MARK4: variants seen among roughly 807,000 people sequenced by gnomAD.
MARK4 encodes the protein MAP/microtubule affinity-regulating kinase 4.
A neutral mutation model predicts 81.5 loss-of-function variants in MARK4; 19 were observed. The observed-to-expected ratio is 0.23, with a 90% CI of 0.16 to 0.34. The LOEUF is 0.34. Ranked by LOEUF, MARK4 falls within the 10% of genes least tolerant of loss-of-function variation. MARK4 has a pLI of 1.00. For synonymous variants in MARK4, 436 were observed against 439.0 expected (o/e 0.99, Z 0.08); for missense variants, 772 against 1,058.8 (o/e 0.73, Z 3.76).
At chr19:45,299,947 G>T in intron 16 of MARK4, 92 bp downstream of exon 16, 3 of 1,256,048 alleles carry the variant, frequency 2.4e-6, no homozygotes, top group Non-Finnish European at 2.2e-6. Context: ...TGGGGCCCCA[G>T]TCTCATCCTG....
At chr19:45,296,827 A>C (rs1454379247) in intron 14 of MARK4, among the ~76,000 whole-genome samples, 1 of 152,154 alleles carries the variant, frequency 6.6e-6, no homozygotes, top group Non-Finnish European at 1.5e-5. Flanking sequence ...AGGCCAGTGG[A>C]TCACCTGAGG....
chr19:45,303,419 A>G lies in MARK4; in HGVS notation c.*709A>G, dbSNP rs1056909924. On this transcript the variant is annotated 3_prime_UTR_variant, in exon 17 of 17. Transcript: ENST00000262891. ...CCCTGCCCTCACCTGCAAATGAGTT[A>G]AAGAAGAGGCGTGGGAATCCAGGCA... The G allele has an allele frequency of 1.3e-5, 2 of 152,170 alleles. No homozygotes were observed. Among genetic ancestry groups the G allele is most frequent in the African/African-American group, 4.8e-5 (2 of 41,384 alleles). The allele number at this position is 152,170 out of a possible 1,614,324, so 9.4% of individuals were successfully genotyped here.
rs1310797218 is a variant in MARK4, at chr19:45,257,661, G to GC, written c.52-1327dup. Among the ~76,000 whole-genome samples, 108 of 150,412 alleles carry GC rather than the reference G, an allele frequency of 7.2e-4. 1 individual carries two copies. Among genetic ancestry groups the GC allele is most frequent in the Non-Finnish European group, 1.0e-3 (69 of 67,720 alleles). On this transcript the variant is annotated intron_variant, in intron 1 of 16. Transcript: ENST00000262891. ...GCCTCCCAAAGTGCTGGGATTACAG[G>GC]CGTGAGCCACCTCGCCTGGCCCATA...
At position 45,287,158 on chromosome 19, in the gene MARK4, C is replaced by T. The variant is rs1414958723; in HGVS notation, c.1277-289C>T. Among the ~76,000 whole-genome samples, 8 of 146,544 alleles carry T rather than the reference C, an allele frequency of 5.5e-5. No individual in the cohort carries two copies. The East Asian group carries it at 5.9e-4, about 11-fold the overall frequency. On this transcript the variant is annotated intron_variant, in intron 12 of 16. Transcript: ENST00000262891. ...GGTGGAGGTTGCAGTGAGCGGAGAT[C>T]GCACCACTGCACTCCAGCCTGGCAA...
At chr19:45,289,900 C>T (rs1401323034) in intron 13 of MARK4, among the ~76,000 whole-genome samples, 1 of 152,080 alleles carries the variant, frequency 6.6e-6, no homozygotes, top group African/African-American at 2.4e-5. Context: ...AGTTCGAGAC[C>T]AACCTGTGCA....
chr19:45,259,338 T>G, intron 2 of MARK4, 149 bp downstream of exon 2: 3 of 838,376 alleles, frequency 3.6e-6, no homozygotes, highest in Non-Finnish European at 5.4e-6. Flanking sequence ...ACAATATCTC[T>G]GATGTTCCCA....
chr19:45,288,997 G>A (rs994924954), intron 13 of MARK4, among the ~76,000 whole-genome samples: 7 of 152,102 alleles, frequency 4.6e-5, no homozygotes, highest in African/African-American at 1.4e-4. Context: ...TTGGCCTTTC[G>A]AGGCTGGTCA....
At chr19:45,253,189 C>G (rs543518715) in intron 1 of MARK4, among the ~76,000 whole-genome samples, 1 of 139,966 alleles carries the variant, frequency 7.1e-6, no homozygotes, top group Non-Finnish European at 1.6e-5. Context: ...ACAGACCCCC[C>G]CACACACACA....
chr19:45,300,307 G>A (rs1171530555), intron 16 of MARK4, among the ~76,000 whole-genome samples: 2 of 123,558 alleles, frequency 1.6e-5, no homozygotes. Context: ...TTGTGCCATC[G>A]CACTCCAGCC....
chr19:45,257,974 C>G (rs1215250800), intron 1 of MARK4, among the ~76,000 whole-genome samples: 5 of 150,246 alleles, frequency 3.3e-5, no homozygotes, highest in African/African-American at 7.3e-5. Flanking sequence ...CAGGTGTGAG[C>G]CACCATGCCT....
intron 1 of MARK4, among the ~76,000 whole-genome samples, chr19:45,255,559 CAAAAAAA>C (rs34066317): frequency 8.6e-4 from 78 of 90,276 alleles, no homozygotes; most frequent in Admixed American, 2.7e-3. Context: ...GAAACTCTGC[CAAAAAAA>C]AAAAAAAAAA....
chr19:45,289,369 GA>G (rs1304408235), intron 13 of MARK4, among the ~76,000 whole-genome samples: 2 of 111,064 alleles, frequency 1.8e-5, no homozygotes, highest in African/African-American at 7.2e-5. Context: ...CCTGGTGACA[GA>G]GCAAGACTCT....
chr19:45,284,784 C>A (rs1246159586), intron 12 of MARK4, among the ~76,000 whole-genome samples: 2 of 151,904 alleles, frequency 1.3e-5, no homozygotes, highest in African/African-American at 4.8e-5. Flanking sequence ...GAAACCTCAT[C>A]TCTACAGAAA....
Position 45,259,891 on chromosome 19 carries a change from A to G in MARK4, c.252+702A>G, listed in dbSNP as rs202166439. The stretch of plus-strand genomic sequence containing the variant: ...TGCTTGAGGTCAGGAGTTCGAGACC[A>G]GCCTGACCAACATGATGAAACCCTG... On this transcript the variant is annotated intron_variant, in intron 2 of 16. Transcript: ENST00000262891. Among the ~76,000 whole-genome samples the G allele has an allele frequency of 3.9e-5, 6 of 152,308 alleles. No individual in the cohort carries two copies. In the East Asian group the frequency reaches 1.2e-3, roughly 29 times the overall value.
At chr19:45,287,797 C>A in intron 13 of MARK4, 133 bp downstream of exon 13, 1 of 1,061,032 alleles carries the variant, frequency 9.4e-7, no homozygotes, top group Non-Finnish European at 1.4e-6. Context: ...ATTCATTCAA[C>A]AAACATTTAT....
chr19:45,251,686 C>T, intron 1 of MARK4, 47 bp downstream of exon 1: 1 of 1,469,366 alleles, frequency 6.8e-7, no homozygotes, highest in Non-Finnish European at 9.1e-7. Flanking sequence ...GGTCCAGCCG[C>T]CAAACCCTTC....
Position 45,265,836 on chromosome 19 carries a change from G to A in MARK4, c.493-389G>A, listed in dbSNP as rs552017270. Among the ~76,000 whole-genome samples, 11 of 151,818 alleles carry A rather than the reference G, an allele frequency of 7.2e-5. No homozygotes were observed. The South Asian group carries it at 1.9e-3, about 26-fold the overall frequency. ...AGGTGTGAGGGTGCCGGGCATGTCG[G>A]CTAGGAAGATGTGCAGGTGTGAGGG... On this transcript the variant is annotated intron_variant, in intron 6 of 16. Coordinates refer to ENST00000262891, the MANE Select transcript of MARK4 (RefSeq NM_001199867.2).
At chr19:45,266,010 G>A (rs183362899) in intron 6 of MARK4, among the ~76,000 whole-genome samples, 66 of 151,904 alleles carry the variant, frequency 4.3e-4, no homozygotes, top group Non-Finnish European at 8.4e-4. Flanking sequence ...CCTTGGTTCC[G>A]ACATCCCTGG....
At position 45,271,758 on chromosome 19, in the gene MARK4, G is replaced by A. The variant is rs1311352054; in HGVS notation, c.786+50G>A. The A allele has an allele frequency of 6.5e-7, 1 of 1,544,598 alleles. No homozygotes were observed. The highest frequency in any genetic ancestry group is 8.8e-7 in the Non-Finnish European group (1 of 1,130,640). ...GGCATCAGCCCCTCCCCACAGTCAG[G>A]CCCCTATCCCCCCCACACCTCCCCT... On this transcript the variant is annotated intron_variant, in intron 8 of 16. Transcript: ENST00000262891. The surrounding 1 kb of genome is among the most constrained non-coding windows in gnomAD (Gnocchi z 4.1).
Sources: gnomAD v4.1 joint callset for allele counts (sites outside exome capture counted in the v4.1 genomes callset) on GRCh38, gnomAD v4.1.1 for gene constraint, Gnocchi (gnomAD v3.1) non-coding constraint, MANE v1.5 for transcripts, NCBI Gene and HGNC (gene_info 2026-07-23, HGNC 2026-07-21) for gene names.